Variants in TASP1 observed in about 807,000 individuals in gnomAD.
TASP1 encodes the protein taspase 1.
In TASP1, 16 loss-of-function variants were observed where a neutral mutation model predicts 56.6. That is an observed-to-expected ratio of 0.28 (90% CI 0.19 to 0.43). The LOEUF (loss-of-function observed/expected upper bound fraction) is 0.43. Ranked by LOEUF, TASP1 falls within the 20% of genes least tolerant of loss-of-function variation. The pLI, the probability that TASP1 is intolerant of heterozygous loss-of-function variation, is 1.00. For synonymous variants in TASP1, 179 were observed against 184.2 expected, an observed-to-expected ratio of 0.97 and a Z score of 0.23; for missense variants, 393 against 511.6, an observed-to-expected ratio of 0.77 and a Z score of 2.24.
At chr20:13,250,584 C>T in the TASP1 span, among the ~76,000 whole-genome samples, 1 of 152,132 alleles carries the variant, frequency 6.6e-6, no homozygotes, top group African/African-American at 2.4e-5. Context: ...GTGCCTGGAC[C>T]CTTCCCCAGA....
chr20:13,164,026 G>A, the TASP1 span, among the ~76,000 whole-genome samples: 1 of 152,016 alleles, frequency 6.6e-6, no homozygotes, highest in African/African-American at 2.4e-5. Flanking sequence ...TTAGCATTAG[G>A]TATATCTCCT....
chr20:13,144,805 C>T, the TASP1 span, among the ~76,000 whole-genome samples: 1 of 152,112 alleles, frequency 6.6e-6, no homozygotes, highest in East Asian at 1.9e-4. Context: ...GACGGAGTCT[C>T]GCTCTGTCGC....
the TASP1 span, among the ~76,000 whole-genome samples, chr20:13,283,466 A>G: frequency 0.07 from 10,734 of 152,262 alleles, 531 homozygotes; most frequent in East Asian, 0.23. Flanking sequence ...TTTGTCCGCA[A>G]GGATTATTTC....
the TASP1 span, among the ~76,000 whole-genome samples, chr20:13,171,439 T>C: frequency 6.6e-6 from 1 of 152,154 alleles, no homozygotes; most frequent in Non-Finnish European, 1.5e-5. Context: ...CTTCAAAATA[T>C]AGATTTTTAA....
chr20:13,600,844 G>C (rs887847574), intron 4 of TASP1, among the ~76,000 whole-genome samples: 1 of 152,110 alleles, frequency 6.6e-6, no homozygotes, highest in Non-Finnish European at 1.5e-5. Context: ...TGCTCTGTCA[G>C]CTGAGAGGCC....
the TASP1 span, among the ~76,000 whole-genome samples, chr20:13,310,340 A>G: frequency 6.6e-6 from 1 of 152,232 alleles, no homozygotes; most frequent in Non-Finnish European, 1.5e-5. Context: ...TGGTCTCTTC[A>G]ATAAATGGTG....
At chr20:13,268,015 A>G in the TASP1 span, among the ~76,000 whole-genome samples, 1 of 152,200 alleles carries the variant, frequency 6.6e-6, no homozygotes, top group African/African-American at 2.4e-5. Flanking sequence ...AGATTAAGGG[A>G]AAAAAGCAAG....
intron 10 of TASP1, among the ~76,000 whole-genome samples, chr20:13,522,196 G>A (rs894531940): frequency 3.9e-5 from 6 of 152,190 alleles, no homozygotes; most frequent in Non-Finnish European, 8.8e-5. Flanking sequence ...CCTTCATTAG[G>A]ACTGTGGCTT....
At chr20:13,315,361 TGCA>T in the TASP1 span, among the ~76,000 whole-genome samples, 3 of 151,984 alleles carry the variant, frequency 2.0e-5, no homozygotes, top group African/African-American at 7.2e-5. Context: ...ATGTTATGCT[TGCA>T]CCAATCAAAG....
chr20:13,529,036 C>T (rs1349706968), intron 9 of TASP1, among the ~76,000 whole-genome samples: 2 of 152,112 alleles, frequency 1.3e-5, no homozygotes, highest in Middle Eastern at 3.2e-3. Context: ...AACCCTGCTT[C>T]AAGAGGGCCT....
At chr20:13,468,257 A>C (rs1203383744) in intron 11 of TASP1, among the ~76,000 whole-genome samples, 1 of 152,162 alleles carries the variant, frequency 6.6e-6, no homozygotes, top group Non-Finnish European at 1.5e-5. Context: ...ATCAACTCAG[A>C]AGTGTGGTAA....
At chr20:13,396,272 C>T (rs1190122751) in intron 13 of TASP1, among the ~76,000 whole-genome samples, 1 of 152,184 alleles carries the variant, frequency 6.6e-6, no homozygotes, top group Non-Finnish European at 1.5e-5. Context: ...TCTAAGCATT[C>T]TTTGTGTGCA....
At chr20:13,543,775 T>C (rs1180752925) in intron 8 of TASP1, among the ~76,000 whole-genome samples, 25 of 152,170 alleles carry the variant, frequency 1.6e-4, no homozygotes, top group Admixed American at 1.6e-3. Context: ...TATCATAAAA[T>C]TAATATTCTT....
the TASP1 span, chr20:13,117,598 G>C: frequency 1.2e-6 from 2 of 1,614,070 alleles, no homozygotes; most frequent in Non-Finnish European, 1.7e-6. Flanking sequence ...CACAGTATTG[G>C]GGCCGTGGGC....
the TASP1 span, chr20:13,164,300 G>A: frequency 8.5e-6 from 4 of 469,068 alleles, no homozygotes; most frequent in Non-Finnish European, 1.8e-5. Flanking sequence ...GGTAGCATGA[G>A]AGGACAGAGG....
At chr20:13,475,733 A>G (rs905824955) in intron 11 of TASP1, among the ~76,000 whole-genome samples, 14 of 152,074 alleles carry the variant, frequency 9.2e-5, no homozygotes, top group Non-Finnish European at 1.9e-4. Context: ...CATCTCTACC[A>G]AAAATATAAA....
At chr20:13,562,917 GT>G (rs2046392782) in intron 7 of TASP1, among the ~76,000 whole-genome samples, 2 of 69,636 alleles carry the variant, frequency 2.9e-5, no homozygotes, top group Non-Finnish European at 5.0e-5. Flanking sequence ...ATATATATAT[GT>G]GTGTGTGTGT....
In TASP1 at chr20:13,513,709, A is replaced by G. The variant is rs539717752; in HGVS notation, c.874+14724T>C. Among the ~76,000 whole-genome samples the G allele has an allele frequency of 3.3e-5, 5 of 152,284 alleles. No homozygotes were observed. In the South Asian group the frequency reaches 1.0e-3, roughly 32 times the overall value. ...AATAAGACAAACCTGTGCAATTCCC[A>G]TAGTGAGTGGCTGAAAACTGTCTAT... On this transcript the variant is annotated intron_variant, in intron 10 of 13. Transcript: ENST00000337743.
intron 11 of TASP1, among the ~76,000 whole-genome samples, chr20:13,439,709 T>C (rs944918563): frequency 1.7e-4 from 26 of 151,680 alleles, no homozygotes; most frequent in African/African-American, 6.3e-4. Flanking sequence ...TGGGCAAGTG[T>C]CCTGAGCAGA....
Sources: gnomAD v4.1 joint callset for allele counts (sites outside exome capture counted in the v4.1 genomes callset) on GRCh38, gnomAD v4.1.1 for gene constraint, MANE v1.5 for transcripts, NCBI Gene and HGNC (gene_info 2026-07-23, HGNC 2026-07-21) for gene names.